TRABD2B: variants seen among roughly 807,000 people sequenced by gnomAD.
TRABD2B encodes the protein metalloprotease TIKI2.
A neutral mutation model predicts 40.1 loss-of-function variants in TRABD2B; 14 were observed. The ratio of observed to expected loss-of-function variants is 0.35; its 90% CI spans 0.23 to 0.55. TRABD2B has a LOEUF of 0.55. Among genes scored for constraint, TRABD2B ranks in the 20% least tolerant of loss-of-function variants. The pLI is 0.90. For synonymous variants in TRABD2B, 263 were observed against 277.0 expected (o/e 0.95, Z 0.50); for missense variants, 541 against 648.6 (o/e 0.83, Z 1.80).
Position 47,881,822 on chromosome 1 carries a change from C to CTGA in TRABD2B, c.667-80206_667-80204dup, listed in dbSNP as rs1644307689. The stretch of plus-strand genomic sequence containing the variant: ...GCATCTGTCTTTGTGTCTGCATGTC[C>CTGA]TGATATAACTGTGCATCCTGGTGGC... On this transcript the variant is annotated intron_variant, in intron 2 of 6. Coordinates refer to ENST00000606738, the MANE Select transcript of TRABD2B (RefSeq NM_001194986.2). 3.3e-5 allele frequency among the ~76,000 whole-genome samples: 5 copies of CTGA among 152,308 alleles called. No individual in the cohort carries two copies. The South Asian group carries it at 1.0e-3, about 32-fold the overall frequency.
intron 2 of TRABD2B, among the ~76,000 whole-genome samples, chr1:47,860,163 C>T (rs974477228): frequency 6.6e-6 from 1 of 152,146 alleles, no homozygotes; most frequent in Admixed American, 6.5e-5. Flanking sequence ...TGATCTAAAC[C>T]GACTCAAATC....
At chr1:47,823,834 ACT>A (rs1184712305) in intron 2 of TRABD2B, among the ~76,000 whole-genome samples, 1 of 152,038 alleles carries the variant, frequency 6.6e-6, no homozygotes, top group Non-Finnish European at 1.5e-5. Context: ...CTACTTCAGA[ACT>A]CTTTCTGTGG....
chr1:47,884,644 C>T (rs1024699619), intron 2 of TRABD2B, among the ~76,000 whole-genome samples: 16 of 152,082 alleles, frequency 1.1e-4, no homozygotes, highest in African/African-American at 3.6e-4. Context: ...GACAGAGTCT[C>T]GCTCTGTCGC....
intron 2 of TRABD2B, among the ~76,000 whole-genome samples, chr1:47,894,949 T>C (rs1644496539): frequency 6.6e-6 from 1 of 152,118 alleles, no homozygotes; most frequent in Non-Finnish European, 1.5e-5. Context: ...GGAAGAGCTC[T>C]GCCAGTACAA....
At chr1:47,893,153 G>C (rs751030558) in intron 2 of TRABD2B, among the ~76,000 whole-genome samples, 23 of 152,238 alleles carry the variant, frequency 1.5e-4, no homozygotes, top group Admixed American at 3.3e-4. Flanking sequence ...GGGTTACCAG[G>C]AGAAGTGGAT....
At chr1:47,911,053 T>G (rs1479549905) in intron 2 of TRABD2B, among the ~76,000 whole-genome samples, 5 of 152,208 alleles carry the variant, frequency 3.3e-5, no homozygotes, top group Non-Finnish European at 5.9e-5. Flanking sequence ...GAAAGGAGCC[T>G]GAACCCTCCA....
chr1:47,856,866 TGG>T (rs1336378359), intron 2 of TRABD2B, among the ~76,000 whole-genome samples: 2 of 151,728 alleles, frequency 1.3e-5, no homozygotes, highest in Non-Finnish European at 2.9e-5. Context: ...GAGAGGTGAG[TGG>T]TAAGATGTGA....
chr1:47,821,924 GA>G (rs956603675), intron 2 of TRABD2B, among the ~76,000 whole-genome samples: 12 of 152,108 alleles, frequency 7.9e-5, no homozygotes, highest in Admixed American at 7.9e-4. Flanking sequence ...AGGCACTGCT[GA>G]TTAACTCTCA....
At chr1:47,837,611 T>C (rs1433005929) in intron 2 of TRABD2B, among the ~76,000 whole-genome samples, 1 of 152,164 alleles carries the variant, frequency 6.6e-6, no homozygotes, top group Non-Finnish European at 1.5e-5. Context: ...ACCTTGACCA[T>C]CAGGCCTCTG....
At chr1:47,950,685 A>G (rs548599382) in intron 2 of TRABD2B, among the ~76,000 whole-genome samples, 2 of 152,328 alleles carry the variant, frequency 1.3e-5, no homozygotes, top group East Asian at 3.9e-4. Flanking sequence ...TGCTGAGCTC[A>G]CCAACAGAGG....
At chr1:47,794,871 C>T (rs1644726660) in intron 3 of TRABD2B, 111 bp from the exon 4 acceptor site, 1 of 1,074,732 alleles carries the variant, frequency 9.3e-7, no homozygotes, top group East Asian at 2.8e-5. Flanking sequence ...AGCCTCAACT[C>T]TCTGGCTCAA....
intron 2 of TRABD2B, among the ~76,000 whole-genome samples, chr1:47,931,939 T>G (rs558467302): frequency 2.0e-5 from 3 of 152,324 alleles, no homozygotes; most frequent in African/African-American, 7.2e-5. Context: ...GGGCTGTACC[T>G]CTCTGAGAAT....
In TRABD2B at chr1:47,915,953, G is replaced by A. The variant is rs1330267737; in HGVS notation, c.666+78081C>T. Among the ~76,000 whole-genome samples the A allele has an allele frequency of 2.6e-4, 40 of 152,226 alleles. 1 individual carries two copies. The highest frequency in any genetic ancestry group is 2.9e-5 in the Non-Finnish European group (2 of 68,036). ...CTGTTTTTCATTGCTGGCCCCTGTG[G>A]CTCTCTGGCAGTGACTGTGTTTGTT... On this transcript the variant is annotated intron_variant, in intron 2 of 6. Coordinates refer to ENST00000606738, the MANE Select transcript of TRABD2B (RefSeq NM_001194986.2).
intron 4 of TRABD2B, among the ~76,000 whole-genome samples, chr1:47,780,324 G>C (rs1644503508): frequency 6.6e-6 from 1 of 152,128 alleles, no homozygotes; most frequent in Non-Finnish European, 1.5e-5. Context: ...GGCTCTTCTG[G>C]CTCTCAGAGC....
chr1:47,791,779 C>G (rs1289519131), intron 4 of TRABD2B, among the ~76,000 whole-genome samples: 2 of 152,218 alleles, frequency 1.3e-5, no homozygotes, highest in Non-Finnish European at 2.9e-5. Context: ...TCCCTCACCA[C>G]AGCTTTCATG....
intron 4 of TRABD2B, among the ~76,000 whole-genome samples, chr1:47,782,537 G>T (rs965492384): frequency 6.6e-6 from 1 of 152,216 alleles, no homozygotes; most frequent in African/African-American, 2.4e-5. Context: ...CTTTGTGAAT[G>T]TGTGTTGAAT....
chr1:47,952,640 T>C (rs981965877), intron 2 of TRABD2B, among the ~76,000 whole-genome samples: 17 of 152,198 alleles, frequency 1.1e-4, no homozygotes, highest in Non-Finnish European at 1.8e-4. Context: ...CACCCACTCC[T>C]GGACTCACAT....
rs192890943 is a variant in TRABD2B at position 47,785,460 on chromosome 1, C to T, written c.989-6916G>A. On this transcript the variant is annotated intron_variant, in intron 4 of 6. Transcript: ENST00000606738. Reference sequence around the variant, plus strand: ...TGCTCCTCTTTGGAGGCTGTTAGAACGCAGGACGTCAGAAATGAAAGTGCC... The same window carrying T: ...TGCTCCTCTTTGGAGGCTGTTAGAATGCAGGACGTCAGAAATGAAAGTGCC... Among the ~76,000 whole-genome samples the T allele has an allele frequency of 1.2e-3, 185 of 152,326 alleles. 1 individual carries two copies. The highest frequency in any genetic ancestry group is 3.6e-3 in the African/African-American group (148 of 41,576).
chr1:47,899,527 A>T (rs1364448760), intron 2 of TRABD2B, among the ~76,000 whole-genome samples: 8 of 152,218 alleles, frequency 5.3e-5, no homozygotes, highest in Non-Finnish European at 1.2e-4. Flanking sequence ...TGATAAGAGG[A>T]TATCTGCCTA....
Sources: allele counts gnomAD v4.1 joint callset (sites outside exome capture counted in the v4.1 genomes callset), GRCh38; gene constraint gnomAD v4.1.1; transcripts MANE v1.5; gene names NCBI Gene and HGNC (gene_info 2026-07-23, HGNC 2026-07-21).